The following RAB2A variants were observed in gnomAD, a reference collection of about 807,000 sequenced individuals.
The protein encoded by RAB2A is ras-related protein Rab-2A.
A neutral mutation model predicts 32.5 loss-of-function variants in RAB2A; 7 were observed. The observed-to-expected ratio is 0.22, with a 90% CI of 0.12 to 0.40. RAB2A has a LOEUF of 0.40. RAB2A is among the 10% of genes least tolerant of loss of function. The pLI is 1.00. For missense variants in RAB2A, 108 were observed against 260.7 expected (o/e 0.41, Z 4.03); for synonymous variants, 79 against 85.2 (o/e 0.93, Z 0.40).
intron 1 of RAB2A, among the ~76,000 whole-genome samples, chr8:60,536,013 G>A (rs185403037): frequency 2.0e-5 from 3 of 152,174 alleles, no homozygotes; most frequent in African/African-American, 7.2e-5. Context: ...GATGAATATC[G>A]TTATAGATAA....
chr8:60,598,518 C>G (rs375993706), intron 6 of RAB2A, among the ~76,000 whole-genome samples: 1 of 150,384 alleles, frequency 6.6e-6, no homozygotes, highest in Admixed American at 6.6e-5. Flanking sequence ...AATAGAATTT[C>G]AACAATATAC....
Position 60,558,922 on chromosome 8 carries a change from T to A in RAB2A, c.117T>A (p.Ile39=), listed in dbSNP as rs1204485089. ...TTCAGCCAGTGCATGACCTTACTAT[T>A]GGTAAGTTTTATAAAAGGGATGAGA... ...KRFQPVHDLT[I]GVEFGARMIT... The change falls in exon 2 of 8, where the codon ATT becomes ATA. Residue 39 remains isoleucine (I), a splice_region_variant and synonymous_variant. Coordinates refer to ENST00000262646, the MANE Select transcript of RAB2A (RefSeq NM_002865.3). 1.2e-6 allele frequency: 2 copies of A among 1,608,188 alleles called. No homozygotes were observed. Among genetic ancestry groups the A allele is most frequent in the Admixed American group, 1.7e-5 (1 of 59,854 alleles).
At chr8:60,570,293 A>T (rs568992853) in intron 2 of RAB2A, among the ~76,000 whole-genome samples, 1 of 152,026 alleles carries the variant, frequency 6.6e-6, no homozygotes, top group African/African-American at 2.4e-5. Context: ...GAAAAATAAA[A>T]TTTTTCTCTC....
intron 1 of RAB2A, among the ~76,000 whole-genome samples, chr8:60,558,181 G>A (rs1247255448): frequency 6.6e-6 from 1 of 152,206 alleles, no homozygotes; most frequent in Non-Finnish European, 1.5e-5. Flanking sequence ...GTGTGAGGAT[G>A]AGGAAATGTT....
intron 2 of RAB2A, among the ~76,000 whole-genome samples, chr8:60,559,609 G>A (rs747671679): frequency 2.0e-5 from 3 of 152,082 alleles, no homozygotes; most frequent in Non-Finnish European, 4.4e-5. Context: ...AAAACTTTAG[G>A]TAATCTTACT....
chr8:60,537,461 A>T lies in RAB2A; in HGVS notation c.46+20208A>T, dbSNP rs545500872. On this transcript the variant is annotated intron_variant, in intron 1 of 7. Coordinates refer to ENST00000262646, the MANE Select transcript of RAB2A (RefSeq NM_002865.3). ...TGGTCTCAAACTTGTAACCTCAGGT[A>T]ATCCACCCGCCTCGACCTTCCAAAG... is the stretch of plus-strand genomic sequence containing the variant. 5.9e-5 allele frequency among the ~76,000 whole-genome samples: 9 copies of T among 152,192 alleles called. 1 individual carries two copies. Among genetic ancestry groups the T allele is most frequent in the Admixed American group, 2.0e-4 (3 of 15,274 alleles).
chr8:60,523,677 C>G (rs1807335001), intron 1 of RAB2A, among the ~76,000 whole-genome samples: 1 of 149,996 alleles, frequency 6.7e-6, no homozygotes, highest in Admixed American at 6.6e-5. Context: ...AGATGATATA[C>G]TTTTGTTAAC....
chr8:60,556,209 G>C (rs1348307272), intron 1 of RAB2A, among the ~76,000 whole-genome samples: 2 of 152,154 alleles, frequency 1.3e-5, no homozygotes, highest in Non-Finnish European at 2.9e-5. Context: ...TTAGAGGCCG[G>C]GAAGGGTAGG....
intron 6 of RAB2A, among the ~76,000 whole-genome samples, chr8:60,603,257 T>C (rs1804167709): frequency 6.6e-6 from 1 of 152,258 alleles, no homozygotes; most frequent in Non-Finnish European, 1.5e-5. Context: ...ATGTTTAGAA[T>C]TGGACCTGTT....
intron 1 of RAB2A, among the ~76,000 whole-genome samples, chr8:60,548,889 G>A (rs1483016924): frequency 6.6e-6 from 1 of 151,098 alleles, no homozygotes; most frequent in Non-Finnish European, 1.5e-5. Context: ...CAGACAGGGT[G>A]GCTGCCGGGC....
chr8:60,599,733 ACTTCCTCCTAAGTCTCACAC>A, intron 6 of RAB2A, among the ~76,000 whole-genome samples: 1 of 152,236 alleles, frequency 6.6e-6, no homozygotes, highest in South Asian at 2.1e-4. Context: ...AAATAAATGA[ACTTCCTCCTAAGTCTCACAC>A]CTTAAAAAAA....
rs1036952561 is a variant in RAB2A at position 60,620,947 on chromosome 8, A to ATTT, written c.*180_*182dup. 9.2e-5 allele frequency: 50 copies of ATTT among 542,878 alleles called. No homozygotes were observed. Among genetic ancestry groups the ATTT allele is most frequent in the Non-Finnish European group, 1.4e-4 (45 of 312,984 alleles). The allele number at this position is 542,878 out of a possible 1,614,324, so 33.6% of individuals were successfully genotyped here. On this transcript the variant is annotated 3_prime_UTR_variant, in exon 8 of 8. Transcript: ENST00000262646. ...TGGTTAATGTTCACTTAAAAGACAG[A>ATTT]TTTTGGAGATTGTATTCATATCTAT...
intron 1 of RAB2A, among the ~76,000 whole-genome samples, chr8:60,528,599 C>T (rs541210622): frequency 4.6e-5 from 7 of 151,962 alleles, no homozygotes; most frequent in African/African-American, 1.7e-4. Flanking sequence ...TTTTTCCTAC[C>T]CTGTGTTGGC....
At position 60,620,858 on chromosome 8, in the gene RAB2A, T is replaced by C. The variant is rs1274658273; in HGVS notation, c.*89T>C. The C allele has an allele frequency of 9.2e-7, 1 of 1,083,646 alleles. No homozygotes were observed. The highest frequency in any genetic ancestry group is 1.6e-5 in the African/African-American group (1 of 61,812). 67.1% of individuals were successfully genotyped at this position (1,083,646 alleles called of 1,614,324 possible). A position where few individuals can be genotyped will look rare whatever the true frequency, so the allele number is the denominator to read the frequency against. The stretch of plus-strand genomic sequence containing the variant: ...CCTGCTCAGCTGAGACATGAAACTA[T>C]TTGAAATGGCTTTATGTCACAGAAG... On this transcript the variant is annotated 3_prime_UTR_variant, in exon 8 of 8. Coordinates refer to ENST00000262646, the MANE Select transcript of RAB2A (RefSeq NM_002865.3).
At chr8:60,531,919 C>T (rs565913793) in intron 1 of RAB2A, among the ~76,000 whole-genome samples, 3 of 151,956 alleles carry the variant, frequency 2.0e-5, no homozygotes, top group African/African-American at 7.2e-5. Context: ...TCTCCTGCCA[C>T]ACCCTCCCGA....
chr8:60,532,100 C>T (rs1331384510), intron 1 of RAB2A, among the ~76,000 whole-genome samples: 1 of 152,136 alleles, frequency 6.6e-6, no homozygotes, highest in African/African-American at 2.4e-5. Flanking sequence ...CCACCGTGCC[C>T]AGCCTACCTT....
intron 6 of RAB2A, among the ~76,000 whole-genome samples, chr8:60,613,321 C>CTGACACACCTAT (rs1418454942): frequency 1.3e-5 from 2 of 152,196 alleles, no homozygotes; most frequent in Non-Finnish European, 2.9e-5. Flanking sequence ...ATGCCAACAG[C>CTGACACACCTAT]TGACACACCT....
intron 2 of RAB2A, among the ~76,000 whole-genome samples, chr8:60,560,180 C>T (rs1469317663): frequency 1.3e-5 from 2 of 152,158 alleles, no homozygotes; most frequent in South Asian, 4.1e-4. Context: ...GCCCCCAAAT[C>T]CCTGGCTCAT....
intron 2 of RAB2A, among the ~76,000 whole-genome samples, chr8:60,571,022 T>C (rs1343050455): frequency 6.6e-6 from 1 of 152,174 alleles, no homozygotes; most frequent in Non-Finnish European, 1.5e-5. Flanking sequence ...TAGGCAGTAA[T>C]GACTTGATAT....
Sources: allele counts gnomAD v4.1 joint callset (sites outside exome capture counted in the v4.1 genomes callset), GRCh38; gene constraint gnomAD v4.1.1; transcripts MANE v1.5; gene names NCBI Gene and HGNC (gene_info 2026-07-23, HGNC 2026-07-21).